Variants in ABRA observed in about 807,000 individuals in gnomAD.
ABRA encodes the protein actin binding Rho activating protein.
In ABRA, 25 loss-of-function variants were observed where a neutral mutation model predicts 33.4. The ratio of observed to expected loss-of-function variants is 0.75; its 90% CI spans 0.55 to 1.04. The LOEUF (loss-of-function observed/expected upper bound fraction) is 1.04. Among genes scored for constraint, ABRA ranks in the 50% least tolerant of loss-of-function variants. The pLI is 0.00. For synonymous variants in ABRA, 193 were observed against 176.8 expected (o/e 1.09, Z -0.73); for missense variants, 501 against 491.7 (o/e 1.02, Z -0.18).
chr8:106,764,212 G>A (rs925788518), intron 1 of ABRA, among the ~76,000 whole-genome samples: 2 of 152,188 alleles, frequency 1.3e-5, no homozygotes, highest in Non-Finnish European at 2.9e-5. Context: ...GAGGTAATTT[G>A]TTTAAACTGC....
At chr8:106,767,591 C>A (rs772632733) in intron 1 of ABRA, among the ~76,000 whole-genome samples, 11 of 152,162 alleles carry the variant, frequency 7.2e-5, no homozygotes, top group Non-Finnish European at 1.6e-4. Context: ...GGGCAAACTT[C>A]CCCTCTGAGC....
At chr8:106,764,652 A>AAAACAAAC (rs199734307) in intron 1 of ABRA, among the ~76,000 whole-genome samples, 1 of 152,124 alleles carries the variant, frequency 6.6e-6, no homozygotes, top group Non-Finnish European at 1.5e-5. Flanking sequence ...GACTCTATTA[A>AAAACAAAC]AAACAAACAA....
chr8:106,765,756 G>A (rs539529725), intron 1 of ABRA, among the ~76,000 whole-genome samples: 5 of 152,166 alleles, frequency 3.3e-5, no homozygotes, highest in African/African-American at 7.2e-5. Flanking sequence ...AAGTGTTCGC[G>A]GCCCTAGAAT....
intron 1 of ABRA, among the ~76,000 whole-genome samples, chr8:106,766,212 T>C (rs1458073812): frequency 6.6e-6 from 1 of 152,176 alleles, no homozygotes; most frequent in Non-Finnish European, 1.5e-5. Flanking sequence ...TCACATACGA[T>C]CAAAAGACTG....
chr8:106,761,627 C>G, intron 1 of ABRA, 113 bp from the exon 2 acceptor site: 1 of 861,678 alleles, frequency 1.2e-6, no homozygotes, highest in African/African-American at 1.7e-5. Context: ...AATTTTTTCA[C>G]TACAAAAATA....
chr8:106,769,562 TG>T lies in ABRA; in HGVS notation c.628del (p.Gln210ArgfsTer15), dbSNP rs757895797. 1 of 1,614,150 alleles carries T rather than the reference TG, an allele frequency of 6.2e-7. No homozygotes were observed. Among genetic ancestry groups the T allele is most frequent in the Non-Finnish European group, 8.5e-7 (1 of 1,180,010 alleles). ...AEERPEQDGV[Q>X]VAVVRIKRPL... ...GCGCTTGATCCTGACCACAGCCACC[TG>T]CACTCCATCCTGCTCGGGCCTCTCC... On this transcript the variant is annotated frameshift_variant, in exon 1 of 2. Coordinates refer to ENST00000311955, the MANE Select transcript of ABRA (RefSeq NM_139166.5). LOFTEE classifies it high-confidence loss of function.
chr8:106,770,095 A>C lies in ABRA; in HGVS notation c.96T>G (p.Gly32=). 2 of 1,613,688 alleles carry C rather than the reference A, an allele frequency of 1.2e-6. No homozygotes were observed. Among genetic ancestry groups the C allele is most frequent in the Non-Finnish European group, 1.7e-6 (2 of 1,179,808 alleles). The change falls in exon 1 of 2, where the codon GGT becomes GGG. Residue 32 remains glycine, a synonymous_variant. Transcript: ENST00000311955. ...TGTTCTCATTCGCCCACTGCTGCCAACCTCGGGCCAAGCTGATGACCAGGG... is the reference window on the plus strand; with the variant it reads ...TGTTCTCATTCGCCCACTGCTGCCACCCTCGGGCCAAGCTGATGACCAGGG... ...TATLVISLAR[G]WQQWANENSI... is the part of the protein sequence containing the mutation.
intron 1 of ABRA, among the ~76,000 whole-genome samples, chr8:106,762,886 C>G (rs1346238831): frequency 6.6e-6 from 1 of 152,208 alleles, no homozygotes; most frequent in African/African-American, 2.4e-5. Flanking sequence ...TCTAACTTAA[C>G]AGTTAAAACA....
At chr8:106,766,164 T>G (rs1308097270) in intron 1 of ABRA, among the ~76,000 whole-genome samples, 1 of 152,104 alleles carries the variant, frequency 6.6e-6, no homozygotes, top group Non-Finnish European at 1.5e-5. Flanking sequence ...GAGAGAGAGA[T>G]CTAATTTCTT....
rs780637593 is a variant in ABRA at position 106,770,178 on chromosome 8, C to T, written c.13G>A (p.Glu5Lys). The T allele has an allele frequency of 3.1e-5, 49 of 1,605,850 alleles. No individual in the cohort carries two copies. The highest frequency in any genetic ancestry group is 3.6e-5 in the Non-Finnish European group (42 of 1,178,356). MAPG[E>K]KESGEGPAKS... ...GCTGGGCCCTCCCCGCTTTCCTTTT[C>T]GCCCGGAGCCATGCTGCCCACCTGT... Residue 5 changes from glutamate (E) to lysine (K), a missense_variant, in exon 1 of 2, where the codon GAA becomes AAA. Transcript: ENST00000311955.
intron 1 of ABRA, among the ~76,000 whole-genome samples, chr8:106,768,872 A>G (rs1210923965): frequency 6.6e-6 from 1 of 152,152 alleles, no homozygotes; most frequent in Non-Finnish European, 1.5e-5. Flanking sequence ...CCTGGCCTCA[A>G]GTGATCCGCC....
Position 106,760,940 on chromosome 8 carries a change from C to A in ABRA, c.*97G>T. The A allele has an allele frequency of 9.2e-7, 1 of 1,088,948 alleles. No homozygotes were observed. Among genetic ancestry groups the A allele is most frequent in the Non-Finnish European group, 1.3e-6 (1 of 745,978 alleles). The allele number at this position is 1,088,948 out of a possible 1,614,324, so 67.5% of individuals were successfully genotyped here. On this transcript the variant is annotated 3_prime_UTR_variant, in exon 2 of 2. Transcript: ENST00000311955. ...TTATGTAAAAATTGTTTAATATTTACTAACTTATTACAGAGAGTTTGCATT... is the reference window on the plus strand; with the variant it reads ...TTATGTAAAAATTGTTTAATATTTAATAACTTATTACAGAGAGTTTGCATT...
At position 106,760,853 on chromosome 8, in the gene ABRA, G is replaced by A; in HGVS notation, c.*184C>T. ...TTCTATGTGCTTTCTGAAATGCTTT[G>A]TGCCTTCTCAAAATCTCCAAAATTC... On this transcript the variant is annotated 3_prime_UTR_variant, in exon 2 of 2. Coordinates refer to ENST00000311955, the MANE Select transcript of ABRA (RefSeq NM_139166.5). The A allele has an allele frequency of 3.2e-6, 2 of 619,374 alleles. No homozygotes were observed. The highest frequency in any genetic ancestry group is 5.4e-5 in the East Asian group (2 of 36,898). 38.4% of individuals were successfully genotyped at this position (619,374 alleles called of 1,614,324 possible).
At chr8:106,769,281 G>A (rs530847029) in intron 1 of ABRA, among the ~76,000 whole-genome samples, 6 of 152,176 alleles carry the variant, frequency 3.9e-5, no homozygotes, top group Non-Finnish European at 8.8e-5. Flanking sequence ...AGACTTGAGT[G>A]TTCAGTTCAA....
chr8:106,765,109 T>C (rs1836196875), intron 1 of ABRA, among the ~76,000 whole-genome samples: 1 of 152,218 alleles, frequency 6.6e-6, no homozygotes, highest in South Asian at 2.1e-4. Context: ...AGCAAAGCGA[T>C]ATTTAAAGGC....
chr8:106,761,011 CAAA>C lies in ABRA; in HGVS notation c.*23_*25del, dbSNP rs772284206. On this transcript the variant is annotated 3_prime_UTR_variant, in exon 2 of 2. Coordinates refer to ENST00000311955, the MANE Select transcript of ABRA (RefSeq NM_139166.5). ...ATTTAGCATTAAGACCATAGTGGGC[CAAA>C]TTTGGCTTTTGTTTTTGAAGGTTCA... 6.3e-6 allele frequency: 10 copies of C among 1,596,680 alleles called. No homozygotes were observed. In the East Asian group the frequency reaches 2.0e-4, roughly 32 times the overall value.
chr8:106,765,733 CAG>C (rs1836210583), intron 1 of ABRA, among the ~76,000 whole-genome samples: 1 of 152,154 alleles, frequency 6.6e-6, no homozygotes, highest in Non-Finnish European at 1.5e-5. Flanking sequence ...GAACTGTCTT[CAG>C]AGTCTATTGA....
intron 1 of ABRA, among the ~76,000 whole-genome samples, chr8:106,766,232 A>G (rs1331640691): frequency 6.6e-6 from 1 of 152,190 alleles, no homozygotes; most frequent in African/African-American, 2.4e-5. Flanking sequence ...GAATATTTTT[A>G]AAGCAAGACA....
intron 1 of ABRA, among the ~76,000 whole-genome samples, chr8:106,763,378 T>C (rs1836164249): frequency 6.6e-6 from 1 of 152,188 alleles, no homozygotes; most frequent in South Asian, 2.1e-4. Flanking sequence ...TGGATAACAG[T>C]GTATGACAAA....
Sources: gnomAD v4.1 joint callset for allele counts (sites outside exome capture counted in the v4.1 genomes callset) on GRCh38, gnomAD v4.1.1 for gene constraint, MANE v1.5 for transcripts, NCBI Gene and HGNC (gene_info 2026-07-23, HGNC 2026-07-21) for gene names.